Variants in CDKAL1 observed in about 807,000 individuals in gnomAD.
The protein encoded by CDKAL1 is threonylcarbamoyladenosine tRNA methylthiotransferase.
In CDKAL1, 32 loss-of-function variants were observed where a neutral mutation model predicts 68.2. The ratio of observed to expected loss-of-function variants is 0.47; its 90% CI spans 0.35 to 0.63. The LOEUF (loss-of-function observed/expected upper bound fraction) is 0.63, where lower values mean the gene tolerates loss of function less well. Ranked by LOEUF, CDKAL1 falls within the 30% of genes least tolerant of loss-of-function variation. The pLI, the probability that CDKAL1 is intolerant of heterozygous loss-of-function variation, is 0.00. For synonymous variants in CDKAL1, 234 were observed against 244.3 expected (o/e 0.96, Z 0.39); for missense variants, 606 against 696.7 (o/e 0.87, Z 1.47).
chr6:21,179,588 G>A (rs1202736028), intron 13 of CDKAL1, among the ~76,000 whole-genome samples: 1 of 152,094 alleles, frequency 6.6e-6, no homozygotes, highest in Non-Finnish European at 1.5e-5. Flanking sequence ...TTATATATTT[G>A]TACAAAAATC....
At position 21,172,887 on chromosome 6, in the gene CDKAL1, A is replaced by G. The variant is rs193055473; in HGVS notation, c.1300-25134A>G. On this transcript the variant is annotated intron_variant, in intron 13 of 15. Transcript: ENST00000274695. ...AAAAATTTTTGAATCAATTTTTATAATTATTTTCTCCAATGACTACGCATT... is the reference window on the plus strand; with the variant it reads ...AAAAATTTTTGAATCAATTTTTATAGTTATTTTCTCCAATGACTACGCATT... 2.3e-3 allele frequency among the ~76,000 whole-genome samples: 348 copies of G among 152,258 alleles called. 1 individual carries two copies. The highest frequency in any genetic ancestry group is 3.9e-3 in the Non-Finnish European group (267 of 68,014).
chr6:20,603,682 T>G lies in CDKAL1; in HGVS notation c.287-45611T>G, dbSNP rs116030859. 4.7e-3 allele frequency among the ~76,000 whole-genome samples: 711 copies of G among 152,190 alleles called. 10 individuals are homozygous for G. Among genetic ancestry groups the G allele is most frequent in the African/African-American group, 0.016 (673 of 41,512 alleles). ...AGATCTTCCCAGTGGACAGAACTTC[T>G]GTGCATTATATTTTGTTGCCTACTA... is the stretch of plus-strand genomic sequence containing the variant. On this transcript the variant is annotated intron_variant, in intron 4 of 15. Transcript: ENST00000274695.
At chr6:20,745,680 T>C (rs1219771639) in intron 6 of CDKAL1, among the ~76,000 whole-genome samples, 2 of 152,162 alleles carry the variant, frequency 1.3e-5, no homozygotes, top group African/African-American at 4.8e-5. Flanking sequence ...TTCAAATTGC[T>C]GATCTCAAAT....
intron 10 of CDKAL1, among the ~76,000 whole-genome samples, chr6:20,987,768 T>C (rs993534048): frequency 2.0e-5 from 3 of 152,048 alleles, no homozygotes; most frequent in Non-Finnish European, 4.4e-5. Flanking sequence ...TGCTCTTGAC[T>C]ATAGACACAT....
intron 4 of CDKAL1, among the ~76,000 whole-genome samples, chr6:20,591,273 A>T (rs575251678): frequency 7.9e-4 from 121 of 152,210 alleles, no homozygotes; most frequent in African/African-American, 2.8e-3. Context: ...AAATGGATAG[A>T]TTGCAAAAAT....
intron 4 of CDKAL1, among the ~76,000 whole-genome samples, chr6:20,553,728 G>A (rs1030320063): frequency 1.1e-4 from 17 of 151,622 alleles, no homozygotes; most frequent in Non-Finnish European, 5.9e-5. Flanking sequence ...CTCCTGCCTC[G>A]GCCTCCGGAG....
intron 10 of CDKAL1, among the ~76,000 whole-genome samples, chr6:20,979,548 T>G (rs561076368): frequency 4.1e-4 from 63 of 151,908 alleles, no homozygotes; most frequent in Non-Finnish European, 3.8e-4. Context: ...GGTCTGCTTT[T>G]GATAGGAACA....
chr6:21,206,675 T>C (rs930253894), intron 15 of CDKAL1, among the ~76,000 whole-genome samples: 4 of 152,206 alleles, frequency 2.6e-5, no homozygotes, highest in African/African-American at 9.7e-5. Flanking sequence ...ATTGAAAGGA[T>C]CTGGAGTCTG....
chr6:20,614,776 T>C (rs963262683), intron 4 of CDKAL1, among the ~76,000 whole-genome samples: 1 of 152,296 alleles, frequency 6.6e-6, no homozygotes, highest in Non-Finnish European at 1.5e-5. Flanking sequence ...AATCAAATAT[T>C]TGACTTTTTT....
chr6:20,545,676 T>G (rs1763571105), intron 2 of CDKAL1, among the ~76,000 whole-genome samples: 1 of 152,152 alleles, frequency 6.6e-6, no homozygotes, highest in South Asian at 2.1e-4. Context: ...CCTCAAGTTA[T>G]GCGCCCACCT....
intron 12 of CDKAL1, among the ~76,000 whole-genome samples, chr6:21,100,306 C>G (rs1007422616): frequency 6.6e-6 from 1 of 152,116 alleles, no homozygotes; most frequent in Non-Finnish European, 1.5e-5. Context: ...TGAACAAATT[C>G]ACTTACCTAT....
chr6:20,689,085 C>T (rs927811481), intron 5 of CDKAL1, among the ~76,000 whole-genome samples: 5 of 152,148 alleles, frequency 3.3e-5, no homozygotes, highest in African/African-American at 1.2e-4. Flanking sequence ...GCAGGTTAGG[C>T]TGTAGTTAAC....
chr6:21,014,394 GAGATC>G (rs1216559804), intron 11 of CDKAL1, among the ~76,000 whole-genome samples: 1 of 152,096 alleles, frequency 6.6e-6, no homozygotes, highest in African/African-American at 2.4e-5. Flanking sequence ...ACAAGGTCAG[GAGATC>G]AAGACCATCC....
chr6:20,986,381 C>T (rs562101090), intron 10 of CDKAL1, among the ~76,000 whole-genome samples: 1 of 152,092 alleles, frequency 6.6e-6, no homozygotes. Context: ...TGGTTGTTTT[C>T]AGCAATGATT....
chr6:20,825,986 A>G (rs1777487793), intron 8 of CDKAL1, among the ~76,000 whole-genome samples: 1 of 152,054 alleles, frequency 6.6e-6, no homozygotes, highest in Non-Finnish European at 1.5e-5. Context: ...CTTTTTCTTT[A>G]CTCACAAATA....
In CDKAL1 at chr6:20,774,065, A is replaced by G. The variant is rs112412179; in HGVS notation, c.518-7080A>G. Among the ~76,000 whole-genome samples, 106 of 152,228 alleles carry G rather than the reference A, an allele frequency of 7.0e-4. 1 individual carries two copies. The highest frequency in any genetic ancestry group is 2.4e-3 in the African/African-American group (99 of 41,552). ...CATCAAGAGATAAAAAATAAAACCAACAAGCCTTGGCATGAGTCCTCTCTG... is the reference window on the plus strand; with the variant it reads ...CATCAAGAGATAAAAAATAAAACCAGCAAGCCTTGGCATGAGTCCTCTCTG... On this transcript the variant is annotated intron_variant, in intron 7 of 15. Transcript: ENST00000274695.
intron 5 of CDKAL1, among the ~76,000 whole-genome samples, chr6:20,704,357 GT>G (rs1771505643): frequency 1.3e-5 from 2 of 152,164 alleles, no homozygotes; most frequent in Admixed American, 1.3e-4. Context: ...TTGTAGCGTA[GT>G]CAAGGAAGAC....
chr6:20,619,007 ACTT>A (rs1767057519), intron 4 of CDKAL1, among the ~76,000 whole-genome samples: 1 of 152,214 alleles, frequency 6.6e-6, no homozygotes, highest in Non-Finnish European at 1.5e-5. Context: ...GAGAAAATAT[ACTT>A]CTATGATAGT....
chr6:20,548,519 C>T, intron 3 of CDKAL1, 74 bp from the exon 4 acceptor site: 1 of 744,882 alleles, frequency 1.3e-6, no homozygotes, highest in Non-Finnish European at 2.4e-6. Flanking sequence ...GGCAACAGAG[C>T]AAGACCCTGG....
Sources: gnomAD v4.1 joint callset for allele counts (sites outside exome capture counted in the v4.1 genomes callset) on GRCh38, gnomAD v4.1.1 for gene constraint, MANE v1.5 for transcripts, NCBI Gene and HGNC (gene_info 2026-07-23, HGNC 2026-07-21) for gene names.